The following AKAP6 variants were observed in gnomAD, a reference collection of about 807,000 sequenced individuals.
AKAP6 encodes A-kinase anchor protein 6.
A neutral mutation model predicts 188.5 loss-of-function variants in AKAP6; 58 were observed. The observed-to-expected ratio is 0.31, with a 90% CI of 0.25 to 0.38. The LOEUF is 0.38. AKAP6 is among the 10% of genes least tolerant of loss of function. The pLI, the probability that AKAP6 is intolerant of heterozygous loss-of-function variation, is 1.00. For missense variants in AKAP6, 2,710 were observed against 2,740.0 expected (o/e 0.99, Z 0.24); for synonymous variants, 989 against 998.6 (o/e 0.99, Z 0.18).
chr14:32,786,287 T>C (rs1261257190), intron 12 of AKAP6, among the ~76,000 whole-genome samples: 1 of 139,392 alleles, frequency 7.2e-6, no homozygotes, highest in African/African-American at 2.6e-5. Context: ...CTGAAAGACC[T>C]AAACCTTTAT....
chr14:32,637,166 CAT>C (rs2139475881), intron 7 of AKAP6, among the ~76,000 whole-genome samples: 2 of 152,206 alleles, frequency 1.3e-5, no homozygotes, highest in African/African-American at 4.8e-5. Context: ...CACCACTTAA[CAT>C]AGGGCCTAGT....
At chr14:32,336,872 C>A (rs905571757) in intron 1 of AKAP6, among the ~76,000 whole-genome samples, 22 of 152,150 alleles carry the variant, frequency 1.4e-4, no homozygotes, top group African/African-American at 5.3e-4. Flanking sequence ...CACCAGCAGC[C>A]CCTGAGGCCC....
chr14:32,602,388 A>G (rs758586551), intron 7 of AKAP6, among the ~76,000 whole-genome samples: 8 of 152,166 alleles, frequency 5.3e-5, no homozygotes, highest in Non-Finnish European at 1.2e-4. Flanking sequence ...CTAGTTACTC[A>G]GGAGGCTGAG....
intron 4 of AKAP6, among the ~76,000 whole-genome samples, chr14:32,573,993 A>G (rs897765351): frequency 2.0e-5 from 3 of 152,192 alleles, no homozygotes; most frequent in Non-Finnish European, 4.4e-5. Context: ...GGGCTGAGTG[A>G]AGTGGAAAAA....
chr14:32,381,477 A>G (rs1888358711), intron 1 of AKAP6, among the ~76,000 whole-genome samples: 1 of 152,218 alleles, frequency 6.6e-6, no homozygotes, highest in Non-Finnish European at 1.5e-5. Context: ...TTTTGAGTTA[A>G]TTTAAAAACT....
chr14:32,477,447 A>G (rs1412315435), intron 2 of AKAP6, among the ~76,000 whole-genome samples: 3 of 152,102 alleles, frequency 2.0e-5, no homozygotes, highest in African/African-American at 4.8e-5. Flanking sequence ...TCCTGGGTCC[A>G]TCTTATACAT....
At chr14:32,774,843 A>G (rs1456109444) in intron 12 of AKAP6, among the ~76,000 whole-genome samples, 3 of 152,196 alleles carry the variant, frequency 2.0e-5, no homozygotes. Context: ...TCAGGATCCA[A>G]AATTGAAAAA....
chr14:32,795,890 A>C (rs1423704291), intron 12 of AKAP6, among the ~76,000 whole-genome samples: 1 of 152,206 alleles, frequency 6.6e-6, no homozygotes, highest in Admixed American at 6.5e-5. Flanking sequence ...GAACCCCATC[A>C]TCTCAGCTCA....
intron 3 of AKAP6, among the ~76,000 whole-genome samples, chr14:32,543,076 A>C (rs1329820843): frequency 6.6e-6 from 1 of 152,194 alleles, no homozygotes; most frequent in Non-Finnish European, 1.5e-5. Flanking sequence ...TCTTCTAGCT[A>C]TTTGAAAATG....
chr14:32,599,612 A>G (rs892593908), intron 6 of AKAP6, 106 bp downstream of exon 6: 5 of 763,176 alleles, frequency 6.6e-6, no homozygotes, highest in Non-Finnish European at 1.0e-5. Flanking sequence ...TGTATTATTA[A>G]TATTTACATT....
At chr14:32,504,517 T>G (rs1052407743) in intron 2 of AKAP6, among the ~76,000 whole-genome samples, 3 of 152,152 alleles carry the variant, frequency 2.0e-5, no homozygotes, top group African/African-American at 7.2e-5. Flanking sequence ...TGAGCTCAAG[T>G]AATCTCCCCA....
chr14:32,397,088 C>T (rs2138601184), intron 1 of AKAP6, among the ~76,000 whole-genome samples: 1 of 152,248 alleles, frequency 6.6e-6, no homozygotes, highest in South Asian at 2.1e-4. Context: ...GACTCAGTCC[C>T]AGAGCTTCCA....
At chr14:32,646,697 G>A (rs1887999995) in intron 7 of AKAP6, among the ~76,000 whole-genome samples, 2 of 151,996 alleles carry the variant, frequency 1.3e-5, no homozygotes, top group Admixed American at 1.3e-4. Context: ...ATGTCATTCG[G>A]GCTTCATATG....
intron 12 of AKAP6, among the ~76,000 whole-genome samples, chr14:32,804,042 C>A (rs2034025490): frequency 6.6e-6 from 1 of 152,210 alleles, no homozygotes; most frequent in South Asian, 2.1e-4. Context: ...GTATCACCAC[C>A]TTAGCCCAAC....
intron 5 of AKAP6, among the ~76,000 whole-genome samples, chr14:32,582,355 G>A (rs1307949850): frequency 7.2e-5 from 11 of 151,896 alleles, no homozygotes; most frequent in East Asian, 3.9e-4. Flanking sequence ...AGTTTCTGCC[G>A]AGAGATCCGC....
chr14:32,569,646 G>A (rs1006425072), intron 4 of AKAP6, among the ~76,000 whole-genome samples: 17 of 152,106 alleles, frequency 1.1e-4, no homozygotes, highest in African/African-American at 2.7e-4. Context: ...TGTGTATAAC[G>A]AATTATGCCC....
chr14:32,817,491 T>C (rs1955482), intron 12 of AKAP6, among the ~76,000 whole-genome samples: 359 of 145,442 alleles, frequency 2.5e-3, no homozygotes, highest in Non-Finnish European at 3.8e-3. Flanking sequence ...GTGTCTGTGT[T>C]TGTGTGTGTG....
intron 1 of AKAP6, among the ~76,000 whole-genome samples, chr14:32,330,713 ATTTTTTTTTTTTTTTTT>A (rs35147196): frequency 1.4e-4 from 9 of 62,362 alleles, no homozygotes; most frequent in South Asian, 1.2e-3. Context: ...GCTTGGAGTG[ATTTTTTTTTTTTTTTTT>A]TTTTTTTTTT....
At chr14:32,372,129 G>C (rs540535080) in intron 1 of AKAP6, among the ~76,000 whole-genome samples, 20 of 152,318 alleles carry the variant, frequency 1.3e-4, no homozygotes, top group Admixed American at 1.2e-3. Flanking sequence ...CTGCTGTACA[G>C]AAGGATGCAC....
Sources: allele counts gnomAD v4.1 joint callset (sites outside exome capture counted in the v4.1 genomes callset), GRCh38; gene constraint gnomAD v4.1.1; transcripts MANE v1.5; gene names NCBI Gene and HGNC (gene_info 2026-07-23, HGNC 2026-07-21).